Variants in ACYP2 observed in about 807,000 individuals in gnomAD.
ACYP2 encodes the protein acylphosphatase 2, also known as acylphosphatase-2.
In ACYP2, 12 loss-of-function variants were observed where a neutral mutation model predicts 11.2. The ratio of observed to expected loss-of-function variants is 1.08; its 90% confidence interval spans 0.69 to 1.74. The LOEUF is 1.74. ACYP2 is among the 40% of genes most tolerant of loss of function. The pLI is 0.00. For missense variants in ACYP2, 134 were observed against 101.9 expected, an observed-to-expected ratio of 1.31 and a Z score of -1.35; for synonymous variants, 43 against 32.2, an observed-to-expected ratio of 1.33 and a Z score of -1.13.
intron 2 of ACYP2, chr2:53,975,107 C>G: frequency 2.6e-6 from 1 of 385,768 alleles, no homozygotes; most frequent in African/African-American, 2.1e-5. Flanking sequence ...CGCCTGTAGT[C>G]CCAGCAACTC....
At chr2:54,168,514 C>T (rs1683099079) in intron 6 of ACYP2, among the ~76,000 whole-genome samples, 1 of 152,066 alleles carries the variant, frequency 6.6e-6, no homozygotes, top group East Asian at 1.9e-4. Context: ...AAAAAAGCCA[C>T]ATGAACCGTG....
chr2:54,127,624 T>C (rs1680611490), intron 4 of ACYP2, among the ~76,000 whole-genome samples: 1 of 151,948 alleles, frequency 6.6e-6, no homozygotes, highest in African/African-American at 2.4e-5. Context: ...GGCATGCACC[T>C]GTAGTCCCAG....
chr2:54,252,278 A>G (rs576014271), intron 6 of ACYP2, among the ~76,000 whole-genome samples: 1 of 152,360 alleles, frequency 6.6e-6, no homozygotes, highest in East Asian at 1.9e-4. Context: ...TTGTGTGAAC[A>G]TTTTAAAAAA....
chr2:54,170,728 G>T (rs1683189895), intron 6 of ACYP2, among the ~76,000 whole-genome samples: 1 of 152,130 alleles, frequency 6.6e-6, no homozygotes, highest in South Asian at 2.1e-4. Flanking sequence ...TAAAAGGAAA[G>T]GTTAAGATTT....
At chr2:54,139,227 G>T (rs994973938) in intron 6 of ACYP2, among the ~76,000 whole-genome samples, 4 of 152,194 alleles carry the variant, frequency 2.6e-5, no homozygotes, top group African/African-American at 9.6e-5. Context: ...CATTTGAAGT[G>T]TTGTGACAGA....
At chr2:54,090,593 T>C (rs1002236579) in intron 4 of ACYP2, among the ~76,000 whole-genome samples, 1 of 152,216 alleles carries the variant, frequency 6.6e-6, no homozygotes, top group Non-Finnish European at 1.5e-5. Flanking sequence ...ATTGCACCAC[T>C]GCGCTCCAGT....
At chr2:54,261,076 ACC>A (rs1687755180) in intron 6 of ACYP2, among the ~76,000 whole-genome samples, 1 of 152,092 alleles carries the variant, frequency 6.6e-6, no homozygotes, top group Non-Finnish European at 1.5e-5. Context: ...AATGTCACAG[ACC>A]CTGGTATTAT....
At chr2:54,188,737 T>G (rs1015796137) in intron 6 of ACYP2, among the ~76,000 whole-genome samples, 2 of 152,186 alleles carry the variant, frequency 1.3e-5, no homozygotes, top group Non-Finnish European at 2.9e-5. Context: ...GTGTTAGAAA[T>G]GTGGATTCTC....
intron 3 of ACYP2, among the ~76,000 whole-genome samples, chr2:54,053,362 C>T (rs563415908): frequency 2.6e-5 from 4 of 152,218 alleles, no homozygotes; most frequent in Non-Finnish European, 5.9e-5. Flanking sequence ...TGCAGAGGTG[C>T]ACTCGGTTGC....
chr2:54,109,459 C>T lies in ACYP2; in HGVS notation c.278-25994C>T, dbSNP rs151271627. Among the ~76,000 whole-genome samples, 489 of 152,122 alleles carry T rather than the reference C, an allele frequency of 3.2e-3. 7 individuals are homozygous for T. Among genetic ancestry groups the T allele is most frequent in the East Asian group, 7.3e-3 (38 of 5,180 alleles). ...TAAAAAAACTGCATATTGGGTACAG[C>T]GTACACTGCTTGAGGGATGGGTGCA... On this transcript the variant is annotated intron_variant, in intron 4 of 6. Transcript: ENST00000607452.
At chr2:54,265,324 C>T (rs559799542) in intron 6 of ACYP2, among the ~76,000 whole-genome samples, 1 of 152,216 alleles carries the variant, frequency 6.6e-6, no homozygotes, top group East Asian at 1.9e-4. Flanking sequence ...AATGGAAACT[C>T]CCATTTTTAA....
chr2:54,131,551 G>A (rs925454922), intron 4 of ACYP2, among the ~76,000 whole-genome samples: 1 of 152,188 alleles, frequency 6.6e-6, no homozygotes, highest in African/African-American at 2.4e-5. Context: ...GGGTGCAGGA[G>A]GGGAGAGTTG....
intron 6 of ACYP2, among the ~76,000 whole-genome samples, chr2:54,247,327 T>G (rs1687001811): frequency 6.6e-6 from 1 of 152,082 alleles, no homozygotes; most frequent in Admixed American, 6.6e-5. Context: ...CATAATCCCT[T>G]CCCCACCCAA....
At chr2:53,975,107 C>A in intron 2 of ACYP2, 1 of 385,768 alleles carries the variant, frequency 2.6e-6, no homozygotes, top group Non-Finnish European at 4.6e-6. Flanking sequence ...CGCCTGTAGT[C>A]CCAGCAACTC....
At chr2:54,287,242 T>C (rs1387053387) in intron 6 of ACYP2, among the ~76,000 whole-genome samples, 1 of 151,872 alleles carries the variant, frequency 6.6e-6, no homozygotes, top group Non-Finnish European at 1.5e-5. Context: ...GCTAACTCTA[T>C]GTCCTCATAG....
chr2:54,191,605 A>T (rs552104602), intron 6 of ACYP2, among the ~76,000 whole-genome samples: 1 of 152,020 alleles, frequency 6.6e-6, no homozygotes, highest in African/African-American at 2.4e-5. Flanking sequence ...ACAGTCCTTA[A>T]GAGAATTTAA....
At chr2:54,213,294 T>A (rs1685407530) in intron 6 of ACYP2, among the ~76,000 whole-genome samples, 1 of 152,226 alleles carries the variant, frequency 6.6e-6, no homozygotes, top group Non-Finnish European at 1.5e-5. Flanking sequence ...GGCTGTGTAG[T>A]ATTCCATGGT....
chr2:54,177,346 G>A (rs1167633216), intron 6 of ACYP2, among the ~76,000 whole-genome samples: 1 of 152,184 alleles, frequency 6.6e-6, no homozygotes, highest in African/African-American at 2.4e-5. Context: ...AGCTCATGGT[G>A]TGAGGTCTTC....
chr2:54,272,594 C>A lies in ACYP2; in HGVS notation c.405-32094C>A, dbSNP rs553109168. On this transcript the variant is annotated intron_variant, in intron 6 of 6. Transcript: ENST00000607452. ...ACGATGGAGTAAGTGGCTTCCTTCA[C>A]GACCAGTGGTCTTTCCATTGTACCA... Among the ~76,000 whole-genome samples the A allele has an allele frequency of 5.9e-5, 9 of 152,336 alleles. No individual in the cohort carries two copies. In the East Asian group the frequency reaches 1.7e-3, roughly 29 times the overall value.
Sources: gnomAD v4.1 joint callset for allele counts (sites outside exome capture counted in the v4.1 genomes callset) on GRCh38, gnomAD v4.1.1 for gene constraint, MANE v1.5 for transcripts, NCBI Gene and HGNC (gene_info 2026-07-23, HGNC 2026-07-21) for gene names.